SPTBN4: variants seen among roughly 807,000 people sequenced by gnomAD.
The protein encoded by SPTBN4 is spectrin beta chain, non-erythrocytic 4.
Under a neutral mutation model 277.8 loss-of-function variants are expected in SPTBN4, and 96 were observed. That is an observed-to-expected ratio of 0.35 (90% CI 0.29 to 0.41). The LOEUF is 0.41. Ranked by LOEUF, SPTBN4 falls within the 10% of genes least tolerant of loss-of-function variation. SPTBN4 has a pLI of 1.00. For synonymous variants in SPTBN4, 1,481 were observed against 1,580.3 expected (o/e 0.94, Z 1.49); for missense variants, 3,006 against 3,595.7 (o/e 0.84, Z 4.19).
At position 40,502,501 on chromosome 19, in the gene SPTBN4, T is replaced by C. The variant is rs750609982; in HGVS notation, c.1197T>C (p.Ile399=). The C allele has an allele frequency of 1.2e-6, 2 of 1,611,760 alleles. No homozygotes were observed. The highest frequency in any genetic ancestry group is 2.7e-5 in the African/African-American group (2 of 74,898). Residue 399 remains isoleucine, a synonymous_variant, in exon 10 of 36, where the codon ATT becomes ATC. Transcript: ENST00000598249. This position sits in a 1 kb window ranked among gnomAD's most constrained non-coding sequence, Gnocchi z 4.9. ...GGGAGGGCTGTGGCATCTGGGATAT[T>C]GACAAGGTGAGGCCGGGGATGCAGG... The part of the protein sequence containing the change: ...VPREGCGIWD[I]DKAWGELEKA...
chr19:40,534,407 C>T (rs755512947), intron 20 of SPTBN4, 64 bp downstream of exon 20: 10 of 1,564,050 alleles, frequency 6.4e-6, no homozygotes, highest in Non-Finnish European at 7.8e-6. Flanking sequence ...CAGGGTCCAA[C>T]CCCACTCAAG....
Position 40,494,781 on chromosome 19 carries a change from C to T in SPTBN4, c.588-116C>T. On this transcript the variant is annotated intron_variant, in intron 5 of 35. Transcript: ENST00000598249. Reference sequence around the variant, plus strand: ...ACCCATCCATCCATCTTTCTATGTTCTACCCCCTCTCTCTCATCTTCCTTC... The same window carrying T: ...ACCCATCCATCCATCTTTCTATGTTTTACCCCCTCTCTCTCATCTTCCTTC... 1.1e-5 allele frequency: 10 copies of T among 870,588 alleles called. No homozygotes were observed. The South Asian group carries it at 1.6e-4, about 14-fold the overall frequency. 53.9% of individuals were successfully genotyped at this position (870,588 alleles called of 1,614,324 possible).
At chr19:40,566,121 C>T (rs2145951457) in intron 29 of SPTBN4, 42 bp from the exon 30 acceptor site, 6 of 1,454,716 alleles carry the variant, frequency 4.1e-6, no homozygotes, top group Non-Finnish European at 5.5e-6. Context: ...CAGGAAGGGC[C>T]CCAGATGCCC....
chr19:40,544,372 G>A (rs9710499), intron 20 of SPTBN4, among the ~76,000 whole-genome samples: 65,440 of 147,676 alleles, frequency 0.44, 15,312 homozygotes, highest in African/African-American at 0.51. Flanking sequence ...TCTATCTCTT[G>A]ACCTCGTGAT....
At chr19:40,550,860 C>T (rs569357526) in intron 22 of SPTBN4, among the ~76,000 whole-genome samples, 3 of 152,294 alleles carry the variant, frequency 2.0e-5, no homozygotes, top group East Asian at 3.9e-4. Flanking sequence ...GGCCAGTCCT[C>T]CTCTCCTGGT....
At position 40,515,281 on chromosome 19, in the gene SPTBN4, G is replaced by A. The variant is rs769634287; in HGVS notation, c.2766-30G>A. On this transcript the variant is annotated intron_variant, in intron 14 of 35. Transcript: ENST00000598249. This position sits in a 1 kb window ranked among gnomAD's most constrained non-coding sequence, Gnocchi z 4.1. The stretch of plus-strand genomic sequence containing the variant: ...CATAAAACCAAGGTCCGCAGGGTTC[G>A]GGTGTCTGAGCATCTCCATCCTCCT... 9 of 1,609,278 alleles carry A rather than the reference G, an allele frequency of 5.6e-6. No individual in the cohort carries two copies. Among genetic ancestry groups the A allele is most frequent in the Middle Eastern group, 1.7e-4 (1 of 6,046 alleles).
chr19:40,502,915 C>T lies in SPTBN4; in HGVS notation c.1344C>T (p.Asn448=), dbSNP rs1568782581. 6.2e-7 allele frequency: 1 copy of T among 1,613,738 alleles called. No homozygotes were observed. Among genetic ancestry groups the T allele is most frequent in the Non-Finnish European group, 8.5e-7 (1 of 1,179,964 alleles). ...TGAGGGAGAGCTGGCTGAATGAGAA[C>T]CAGCGTCTGGTCTCCCAGGTACAAG... is the stretch of plus-strand genomic sequence containing the variant. ...VAMRESWLNE[N]QRLVSQDNFG... Residue 448 remains asparagine (N), a synonymous_variant, in exon 11 of 36, where the codon AAC becomes AAT. Coordinates refer to ENST00000598249, the MANE Select transcript of SPTBN4 (RefSeq NM_020971.3). The surrounding 1 kb of genome is among the most constrained non-coding windows in gnomAD (Gnocchi z 4.9).
chr19:40,483,957 C>T (rs1048444134), intron 2 of SPTBN4, among the ~76,000 whole-genome samples: 3 of 141,690 alleles, frequency 2.1e-5, no homozygotes, highest in South Asian at 2.1e-4. Flanking sequence ...GGGGGATCAT[C>T]GCAAAGCTCT....
intron 4 of SPTBN4, among the ~76,000 whole-genome samples, chr19:40,492,024 A>AAAAAAC (rs1346605399): frequency 4.8e-5 from 7 of 144,848 alleles, no homozygotes; most frequent in African/African-American, 2.0e-4. Context: ...CTCCATCTAA[A>AAAAAAC]AAAAACAAAA....
intron 15 of SPTBN4, among the ~76,000 whole-genome samples, chr19:40,518,366 G>A (rs2080483957): frequency 6.6e-6 from 1 of 152,026 alleles, no homozygotes; most frequent in Non-Finnish European, 1.5e-5. Context: ...TTGTTTTAGT[G>A]GGTCATATCT....
chr19:40,534,833 C>G, intron 20 of SPTBN4: 1 of 169,972 alleles, frequency 5.9e-6, no homozygotes, highest in East Asian at 1.5e-4. Context: ...GCACCTGGCC[C>G]AAGGACACAC....
chr19:40,513,297 G>A lies in SPTBN4; in HGVS notation c.2508G>A (p.Leu836=). The change falls in exon 14 of 36, where the codon CTG becomes CTA. Residue 836 remains leucine, a synonymous_variant. Coordinates refer to ENST00000598249, the MANE Select transcript of SPTBN4 (RefSeq NM_020971.3). ...RGPVSGLRRQ[L]ATLGGASGAG... Reference sequence around the variant, plus strand: ...CCGTGAGCGGCCTGCGGCGCCAGCTGGCGACACTCGGGGGTGCCAGTGGCG... The same window carrying A: ...CCGTGAGCGGCCTGCGGCGCCAGCTAGCGACACTCGGGGGTGCCAGTGGCG... 1 of 1,554,664 alleles carries A rather than the reference G, an allele frequency of 6.4e-7. No homozygotes were observed. Among genetic ancestry groups the A allele is most frequent in the Non-Finnish European group, 8.7e-7 (1 of 1,154,126 alleles).
At chr19:40,497,930 C>G (rs2080218764) in intron 7 of SPTBN4, among the ~76,000 whole-genome samples, 1 of 151,654 alleles carries the variant, frequency 6.6e-6, no homozygotes, top group Non-Finnish European at 1.5e-5. Context: ...CCATCTCCCA[C>G]TAAACCAACT....
At chr19:40,535,418 G>A (rs1247805019) in intron 20 of SPTBN4, among the ~76,000 whole-genome samples, 1 of 152,130 alleles carries the variant, frequency 6.6e-6, no homozygotes, top group Non-Finnish European at 1.5e-5. Flanking sequence ...GGAAACTGAG[G>A]TTCCAGGAGG....
chr19:40,547,927 T>C (rs1228927069), intron 20 of SPTBN4, among the ~76,000 whole-genome samples: 1 of 152,234 alleles, frequency 6.6e-6, no homozygotes, highest in Non-Finnish European at 1.5e-5. Flanking sequence ...CCAGGTTTTC[T>C]TTTAGTGCCT....
At position 40,513,013 on chromosome 19, in the gene SPTBN4, G is replaced by T; in HGVS notation, c.2224G>T (p.Val742Leu). ...VGPGADTVHL[V>L]GLAERAASAR... is the part of the protein sequence containing the mutation. ...CCCGGGAGCAGACACCGTGCACCTG[G>T]TAGGCCTGGCGGAGCGCGCGGCGAG... Residue 742 changes from valine to leucine, a missense_variant, in exon 14 of 36, where the codon GTA becomes TTA. Transcript: ENST00000598249. 1 of 1,432,524 alleles carries T rather than the reference G, an allele frequency of 7.0e-7. No individual in the cohort carries two copies. The highest frequency in any genetic ancestry group is 9.1e-7 in the Non-Finnish European group (1 of 1,099,908). The allele number at this position is 1,432,524 out of a possible 1,614,324, so 88.7% of individuals were successfully genotyped here.
At chr19:40,571,945 C>A (rs1469461458) in intron 33 of SPTBN4, 74 bp from the exon 34 acceptor site, 1 of 1,467,234 alleles carries the variant, frequency 6.8e-7, no homozygotes, top group African/African-American at 1.4e-5. Context: ...CATATTCAGA[C>A]CTTGAGGATG....
chr19:40,537,512 C>G (rs1323985104), intron 20 of SPTBN4, among the ~76,000 whole-genome samples: 1 of 152,200 alleles, frequency 6.6e-6, no homozygotes, highest in African/African-American at 2.4e-5. Context: ...TTGAAAAGAT[C>G]TCAGGGATCC....
intron 30 of SPTBN4, 22 bp from the exon 31 acceptor site, chr19:40,567,626 CACGCCTCCAACCTAA>C: frequency 2.1e-6 from 3 of 1,428,176 alleles, no homozygotes; most frequent in African/African-American, 1.5e-5. Flanking sequence ...GCCCCGGCCC[CACGCCTCCAACCTAA>C]CCCTGGTCCC....
Sources: gnomAD v4.1 joint callset for allele counts (sites outside exome capture counted in the v4.1 genomes callset) on GRCh38, gnomAD v4.1.1 for gene constraint, Gnocchi (gnomAD v3.1) non-coding constraint, MANE v1.5 for transcripts, NCBI Gene and HGNC (gene_info 2026-07-23, HGNC 2026-07-21) for gene names.